PTPRR: variants seen among roughly 807,000 people sequenced by gnomAD.
PTPRR encodes the protein protein tyrosine phosphatase receptor type R, also known as receptor-type tyrosine-protein phosphatase R.
PTPRR carries 38 observed loss-of-function variants against 77.2 expected under a neutral mutation model. That is an observed-to-expected ratio of 0.49 (90% CI 0.38 to 0.65). The LOEUF is 0.65. Ranked by LOEUF, PTPRR falls within the 30% of genes least tolerant of loss-of-function variation. The probability of loss-of-function intolerance (pLI) is 0.00; values close to 1 mark genes in which losing one functional copy is unlikely to be tolerated. For missense variants in PTPRR, 744 were observed against 799.2 expected, an observed-to-expected ratio of 0.93 and a Z score of 0.83; for synonymous variants, 299 against 283.1, an observed-to-expected ratio of 1.06 and a Z score of -0.57.
chr12:70,660,903 G>C (rs1314156073), intron 12 of PTPRR, 37 bp downstream of exon 12: 47 of 1,568,362 alleles, frequency 3.0e-5, no homozygotes, highest in Non-Finnish European at 3.8e-5. Context: ...CAAAGAATGG[G>C]CCATTGCTTA....
chr12:70,687,403 T>G (rs1887912138), intron 8 of PTPRR, among the ~76,000 whole-genome samples: 1 of 151,678 alleles, frequency 6.6e-6, no homozygotes, highest in African/African-American at 2.4e-5. Context: ...ATAAGGGATC[T>G]GGCTTTGGCA....
intron 13 of PTPRR, chr12:70,639,506 GATTA>G (rs1428169667): frequency 1.6e-6 from 2 of 1,262,006 alleles, no homozygotes; most frequent in Admixed American, 7.8e-5. Context: ...CTAGGCACGT[GATTA>G]ATTTTTACCT....
chr12:70,681,074 G>T, intron 10 of PTPRR, among the ~76,000 whole-genome samples: 1 of 152,198 alleles, frequency 6.6e-6, no homozygotes, highest in East Asian at 1.9e-4. Flanking sequence ...AGGGTTCAGG[G>T]TGCTGCAGTC....
intron 6 of PTPRR, among the ~76,000 whole-genome samples, chr12:70,724,448 G>C (rs1290651730): frequency 3.3e-5 from 5 of 152,104 alleles, no homozygotes; most frequent in Non-Finnish European, 5.9e-5. Context: ...TAATATGTGT[G>C]AAACACAACA....
chr12:70,665,860 T>C (rs1205575078), intron 10 of PTPRR, among the ~76,000 whole-genome samples: 4 of 152,192 alleles, frequency 2.6e-5, no homozygotes, highest in African/African-American at 4.8e-5. Context: ...GATATTGCTC[T>C]ATAAGCTAAA....
At chr12:70,717,513 T>C (rs57159034) in intron 6 of PTPRR, among the ~76,000 whole-genome samples, 25,416 of 152,112 alleles carry the variant, frequency 0.17, 2,639 homozygotes, top group East Asian at 0.39. Flanking sequence ...GGTCACCAAA[T>C]TGAGCAAACA....
At chr12:70,680,655 G>A (rs1380139281) in intron 10 of PTPRR, among the ~76,000 whole-genome samples, 1 of 152,198 alleles carries the variant, frequency 6.6e-6, no homozygotes, top group Non-Finnish European at 1.5e-5. Context: ...TGGCTGGTGA[G>A]CATGCAGCAG....
chr12:70,786,483 AAGG>A lies in PTPRR; in HGVS notation c.358-21708_358-21706del, dbSNP rs369619417. Among the ~76,000 whole-genome samples, 547 of 152,318 alleles carry A rather than the reference AAGG, an allele frequency of 3.6e-3. 5 individuals are homozygous for A. The highest frequency in any genetic ancestry group is 0.013 in the African/African-American group (522 of 41,570). On this transcript the variant is annotated intron_variant, in intron 2 of 13. Transcript: ENST00000283228. Reference sequence around the variant, plus strand: ...GCTTTATTTCAGATGTGGGTGAAATAAGGAGATGGGTACCTTTTATGTGCTTAT... The same window carrying A: ...GCTTTATTTCAGATGTGGGTGAAATAAGATGGGTACCTTTTATGTGCTTAT...
chr12:70,819,827 T>C (rs1186628704), intron 2 of PTPRR, among the ~76,000 whole-genome samples: 1 of 152,086 alleles, frequency 6.6e-6, no homozygotes, highest in African/African-American at 2.4e-5. Flanking sequence ...TGTCCAATAA[T>C]ATAAATGTGT....
Position 70,842,825 on chromosome 12 carries a change from T to C in PTPRR, c.357+49854A>G, listed in dbSNP as rs566252755. On this transcript the variant is annotated intron_variant, in intron 2 of 13. Coordinates refer to ENST00000283228, the MANE Select transcript of PTPRR (RefSeq NM_002849.4). ...TCCAGAGATTTGGCATGGATATCTTTTGGGGCACCATTTTTTGGCCTACCA... is the reference window on the plus strand; with the variant it reads ...TCCAGAGATTTGGCATGGATATCTTCTGGGGCACCATTTTTTGGCCTACCA... 3.9e-5 allele frequency among the ~76,000 whole-genome samples: 6 copies of C among 152,348 alleles called. No homozygotes were observed. In the South Asian group the frequency reaches 1.0e-3, roughly 26 times the overall value.
intron 2 of PTPRR, among the ~76,000 whole-genome samples, chr12:70,811,640 G>A (rs1891810622): frequency 6.6e-6 from 1 of 152,146 alleles, no homozygotes; most frequent in South Asian, 2.1e-4. Context: ...GGTTGTGTTG[G>A]ATATTTATGA....
chr12:70,919,600 C>T (rs1365327300), intron 1 of PTPRR, among the ~76,000 whole-genome samples: 1 of 147,514 alleles, frequency 6.8e-6, no homozygotes, highest in Non-Finnish European at 1.5e-5. Context: ...CACTGTTACT[C>T]TTGGTTACAC....
intron 13 of PTPRR, among the ~76,000 whole-genome samples, chr12:70,641,146 A>G (rs1885982537): frequency 6.6e-6 from 1 of 152,192 alleles, no homozygotes; most frequent in African/African-American, 2.4e-5. Context: ...TTGAACTGTG[A>G]AGCTTGGGAG....
chr12:70,779,515 A>G (rs1394603383), intron 2 of PTPRR, among the ~76,000 whole-genome samples: 4 of 152,128 alleles, frequency 2.6e-5, no homozygotes, highest in African/African-American at 7.2e-5. Context: ...ACCACTCTCT[A>G]TCAGATCACC....
chr12:70,900,350 G>C (rs1893510169), intron 1 of PTPRR, among the ~76,000 whole-genome samples: 1 of 151,218 alleles, frequency 6.6e-6, no homozygotes. Context: ...CATGAAATTG[G>C]ATTCATACAT....
At chr12:70,675,580 T>C (rs990052308) in intron 10 of PTPRR, among the ~76,000 whole-genome samples, 10 of 152,038 alleles carry the variant, frequency 6.6e-5, no homozygotes, top group Non-Finnish European at 1.3e-4. Flanking sequence ...TTAAATACTA[T>C]CATTATCCAG....
rs546271586 is a variant in PTPRR, at chr12:70,759,539, G to A, written c.627+1932C>T. 2.0e-5 allele frequency among the ~76,000 whole-genome samples: 3 copies of A among 151,904 alleles called. No individual in the cohort carries two copies. The East Asian group carries it at 5.8e-4, about 29-fold the overall frequency. ...TACTAAAAATACAAAAAATTAGCTGGGCGTGGTGGCAGGCGCCTGTAGTCC... is the reference window on the plus strand; with the variant it reads ...TACTAAAAATACAAAAAATTAGCTGAGCGTGGTGGCAGGCGCCTGTAGTCC... On this transcript the variant is annotated intron_variant, in intron 4 of 13. Transcript: ENST00000283228.
chr12:70,886,998 G>T (rs947397078), intron 2 of PTPRR, among the ~76,000 whole-genome samples: 1 of 152,204 alleles, frequency 6.6e-6, no homozygotes, highest in Non-Finnish European at 1.5e-5. Context: ...AAATGTCTTT[G>T]GAAGCTGTAG....
chr12:70,740,455 C>T (rs1368980605), intron 6 of PTPRR, among the ~76,000 whole-genome samples: 1 of 151,938 alleles, frequency 6.6e-6, no homozygotes, highest in Non-Finnish European at 1.5e-5. Flanking sequence ...TCACTGCAAC[C>T]TCTGCTTCCC....
Sources: gnomAD v4.1 joint callset for allele counts (sites outside exome capture counted in the v4.1 genomes callset) on GRCh38, gnomAD v4.1.1 for gene constraint, MANE v1.5 for transcripts, NCBI Gene and HGNC (gene_info 2026-07-23, HGNC 2026-07-21) for gene names.